Variants in COL4A2 observed in about 807,000 individuals in gnomAD.
COL4A2 encodes the protein collagen alpha-2(IV) chain.
In COL4A2, 99 loss-of-function variants were observed where a neutral mutation model predicts 200.2. The observed-to-expected ratio is 0.49, with a 90% CI of 0.42 to 0.58. The LOEUF (loss-of-function observed/expected upper bound fraction) is 0.58. COL4A2 is among the 20% of genes least tolerant of loss of function. The pLI is 0.00. For missense variants in COL4A2, 1,950 were observed against 2,314.1 expected, an observed-to-expected ratio of 0.84 and a Z score of 3.23; for synonymous variants, 897 against 900.6, an observed-to-expected ratio of 1.00 and a Z score of 0.07.
chr13:110,343,516 C>T (rs1175514446), intron 3 of COL4A2, among the ~76,000 whole-genome samples: 1 of 152,166 alleles, frequency 6.6e-6, no homozygotes, highest in Non-Finnish European at 1.5e-5. Context: ...AAGGGCGGGG[C>T]AGAAATTCAG....
At chr13:110,418,494 C>A (rs1880131232) in intron 4 of COL4A2, among the ~76,000 whole-genome samples, 1 of 152,204 alleles carries the variant, frequency 6.6e-6, no homozygotes, top group Non-Finnish European at 1.5e-5. Flanking sequence ...TTAGCTCTTA[C>A]ATTTAGGTCC....
At chr13:110,495,498 C>A in intron 40 of COL4A2, 31 bp downstream of exon 40, 1 of 1,605,084 alleles carries the variant, frequency 6.2e-7, no homozygotes, top group South Asian at 1.1e-5. Context: ...CCAACATTGC[C>A]GTCCCAGTAA....
At chr13:110,311,019 C>A (rs547231666) in intron 3 of COL4A2, among the ~76,000 whole-genome samples, 2 of 152,174 alleles carry the variant, frequency 1.3e-5, no homozygotes, top group Non-Finnish European at 2.9e-5. Context: ...GCCGGGAGGG[C>A]ACTCCTGAGT....
At chr13:110,406,368 T>G (rs577249003) in intron 4 of COL4A2, among the ~76,000 whole-genome samples, 84 of 152,252 alleles carry the variant, frequency 5.5e-4, no homozygotes, top group African/African-American at 1.9e-3. Flanking sequence ...CTGGAAATAC[T>G]CATCAGGGTT....
At chr13:110,322,699 G>T (rs750611255) in intron 3 of COL4A2, among the ~76,000 whole-genome samples, 7 of 152,228 alleles carry the variant, frequency 4.6e-5, no homozygotes, top group Non-Finnish European at 1.0e-4. Flanking sequence ...GGGAGCCGAT[G>T]TCCACCTCTG....
chr13:110,381,979 A>C (rs1878510430), intron 4 of COL4A2, among the ~76,000 whole-genome samples: 1 of 152,084 alleles, frequency 6.6e-6, no homozygotes, highest in Non-Finnish European at 1.5e-5. Context: ...CAATGGGACA[A>C]ATTTGCACTA....
At position 110,307,723 on chromosome 13, in the gene COL4A2, G is replaced by A. The variant is rs1884824658; in HGVS notation, c.-44-137G>A. 4 of 782,230 alleles carry A rather than the reference G, an allele frequency of 5.1e-6. No homozygotes were observed. Among genetic ancestry groups the A allele is most frequent in the South Asian group, 3.8e-5 (2 of 53,298 alleles). The allele number at this position is 782,230 out of a possible 1,614,324, so 48.5% of individuals were successfully genotyped here. A position where few individuals can be genotyped will look rare whatever the true frequency, so the allele number is the denominator to read the frequency against. ...AGGCTCTCCTTCTTTCCGGGTCGTG[G>A]GGGGGACGGCCCTCCGGTCACCCCT... On this transcript the variant is annotated intron_variant, in intron 1 of 47. Coordinates refer to ENST00000360467, the MANE Select transcript of COL4A2 (RefSeq NM_001846.4). This position sits in a 1 kb window ranked among gnomAD's most constrained non-coding sequence, Gnocchi z 5.0.
intron 4 of COL4A2, among the ~76,000 whole-genome samples, chr13:110,377,053 C>T (rs537728471): frequency 4.0e-5 from 6 of 151,464 alleles, no homozygotes; most frequent in South Asian, 2.1e-4. Flanking sequence ...TTACTTATTA[C>T]GTTGAATGTC....
At chr13:110,367,848 A>G (rs1433233509) in intron 4 of COL4A2, among the ~76,000 whole-genome samples, 1 of 149,756 alleles carries the variant, frequency 6.7e-6, no homozygotes, top group Non-Finnish European at 1.5e-5. Flanking sequence ...CAGCTGGGAT[A>G]TGCCAGCCAC....
intron 18 of COL4A2, among the ~76,000 whole-genome samples, chr13:110,447,897 G>A (rs897350694): frequency 5.3e-5 from 8 of 152,178 alleles, no homozygotes; most frequent in Admixed American, 3.3e-4. Context: ...TCCCTGCTTC[G>A]AAGCGAGCCC....
intron 4 of COL4A2, among the ~76,000 whole-genome samples, chr13:110,396,495 A>AT (rs1197065133): frequency 1.3e-5 from 2 of 152,020 alleles, no homozygotes; most frequent in Non-Finnish European, 2.9e-5. Flanking sequence ...AGGCAGGGGG[A>AT]TTGTTTTATG....
Position 110,440,066 on chromosome 13 carries a change from C to T in COL4A2, c.957+233C>T, listed in dbSNP as rs538582129. Among the ~76,000 whole-genome samples the T allele has an allele frequency of 7.9e-5, 12 of 152,274 alleles. No homozygotes were observed. In the South Asian group the frequency reaches 2.1e-3, roughly 26 times the overall value. ...TTTGCTTCCTCCCTTTCAAAGTGTC[C>T]GTCACTCGACCCCACCAGCCATGGT... On this transcript the variant is annotated intron_variant, in intron 16 of 47. Coordinates refer to ENST00000360467, the MANE Select transcript of COL4A2 (RefSeq NM_001846.4).
chr13:110,491,426 T>C, intron 37 of COL4A2, 86 bp downstream of exon 37: 1 of 896,842 alleles, frequency 1.1e-6, no homozygotes, highest in Non-Finnish European at 1.8e-6. Context: ...GTCAATTTCC[T>C]CCAATCACAC....
intron 39 of COL4A2, among the ~76,000 whole-genome samples, chr13:110,494,005 T>C (rs1391447309): frequency 6.6e-6 from 1 of 152,040 alleles, no homozygotes; most frequent in Non-Finnish European, 1.5e-5. Context: ...GGCTTCCACT[T>C]AGGAACTTTG....
At chr13:110,489,387 T>G in intron 34 of COL4A2, 58 bp from the exon 35 acceptor site, 1 of 1,519,016 alleles carries the variant, frequency 6.6e-7, no homozygotes, top group Non-Finnish European at 9.1e-7. Flanking sequence ...TGAGCTAACT[T>G]CAGAGTTACA....
At chr13:110,462,779 G>A (rs747688081) in intron 24 of COL4A2, among the ~76,000 whole-genome samples, 6 of 152,096 alleles carry the variant, frequency 3.9e-5, no homozygotes, top group Non-Finnish European at 8.8e-5. Flanking sequence ...GGGCTACCTA[G>A]TAGCCTGCAG....
rs1880725417 is a variant in COL4A2 at position 110,508,775 on chromosome 13, AC to A, written c.4881+557del. Reference sequence around the variant, plus strand: ...ACCAGGACCTGGGAAGGCACCGCCCACCCTTCCGGATCGCCTTTGGGTATAA... The same window carrying A: ...ACCAGGACCTGGGAAGGCACCGCCCACCTTCCGGATCGCCTTTGGGTATAA... On this transcript the variant is annotated intron_variant, in intron 47 of 47. Transcript: ENST00000360467. The surrounding 1 kb of genome is among the most constrained non-coding windows in gnomAD (Gnocchi z 6.1). Among the ~76,000 whole-genome samples the A allele has an allele frequency of 6.6e-6, 1 of 152,096 alleles. No homozygotes were observed. Among genetic ancestry groups the A allele is most frequent in the African/African-American group, 2.4e-5 (1 of 41,406 alleles).
intron 4 of COL4A2, among the ~76,000 whole-genome samples, chr13:110,405,786 C>G (rs1255978537): frequency 6.6e-6 from 1 of 152,202 alleles, no homozygotes; most frequent in Non-Finnish European, 1.5e-5. Context: ...TGACTCATGT[C>G]TTTCCCACTA....
rs1414956363 is a variant in COL4A2 at position 110,512,156 on chromosome 13, A to G, written c.5104A>G (p.Ile1702Val). The G allele has an allele frequency of 6.2e-7, 1 of 1,613,050 alleles. No homozygotes were observed. The highest frequency in any genetic ancestry group is 8.5e-7 in the Non-Finnish European group (1 of 1,179,892). The change falls in exon 48 of 48, where the codon ATC (isoleucine) becomes GTC (valine). Residue 1702 changes from isoleucine (I) to valine (V), a missense_variant. Physicochemically the swap from Ile to Val is conservative, Grantham distance 29. Transcript: ENST00000360467. ...TLKAGLIRTH[I>V]SRCQVCMKNL ...CAAGGCCGGCCTCATCCGCACACAC[A>G]TCAGCCGCTGCCAGGTGTGCATGAA...
Sources: gnomAD v4.1 joint callset for allele counts (sites outside exome capture counted in the v4.1 genomes callset) on GRCh38, gnomAD v4.1.1 for gene constraint, Gnocchi (gnomAD v3.1) non-coding constraint, MANE v1.5 for transcripts, NCBI Gene and HGNC (gene_info 2026-07-23, HGNC 2026-07-21) for gene names.